The following JAKMIP2 variants were observed in gnomAD, a reference collection of about 807,000 sequenced individuals.
JAKMIP2 encodes janus kinase and microtubule-interacting protein 2.
In JAKMIP2, 25 loss-of-function variants were observed where a neutral mutation model predicts 115.0. That is an observed-to-expected ratio of 0.22 (90% confidence interval 0.16 to 0.30). The LOEUF (loss-of-function observed/expected upper bound fraction) is 0.30, where lower values mean the gene tolerates loss of function less well. Ranked by LOEUF, JAKMIP2 falls within the 10% of genes least tolerant of loss-of-function variation. The pLI is 1.00. For missense variants in JAKMIP2, 642 were observed against 957.6 expected (o/e 0.67, Z 4.35); for synonymous variants, 334 against 343.6 (o/e 0.97, Z 0.31).
chr5:147,661,067 G>A lies in JAKMIP2; in HGVS notation c.508C>T (p.Leu170=). 1 of 1,613,976 alleles carries A rather than the reference G, an allele frequency of 6.2e-7. No individual in the cohort carries two copies. Among genetic ancestry groups the A allele is most frequent in the Non-Finnish European group, 8.5e-7 (1 of 1,180,016 alleles). ...KTAKKQVDEA[L]SNMIQADKIK... is the part of the protein sequence containing the mutation. ...TTATCTGCTTGGATCATATTGCTCA[G>A]AGCCTCGTCCACCTGCTTCTTGGCC... is the stretch of plus-strand genomic sequence containing the variant. Residue 170 remains leucine (L), a synonymous_variant, in exon 3 of 22, where the codon CTG becomes TTG. Coordinates refer to ENST00000616793, the MANE Select transcript of JAKMIP2 (RefSeq NM_001270941.2).
intron 21 of JAKMIP2, among the ~76,000 whole-genome samples, chr5:147,595,897 G>A (rs1755361160): frequency 6.6e-6 from 1 of 152,158 alleles, no homozygotes; most frequent in African/African-American, 2.4e-5. Context: ...TTAAAAAAAT[G>A]TGTATTTATA....
At chr5:147,725,408 C>T (rs1239905534) in intron 1 of JAKMIP2, among the ~76,000 whole-genome samples, 4 of 152,162 alleles carry the variant, frequency 2.6e-5, no homozygotes, top group Middle Eastern at 3.2e-3. Context: ...TCATTTTACT[C>T]TGTGGACTCA....
intron 19 of JAKMIP2, among the ~76,000 whole-genome samples, chr5:147,613,170 C>A (rs768325876): frequency 6.6e-6 from 1 of 152,188 alleles, no homozygotes; most frequent in Non-Finnish European, 1.5e-5. Flanking sequence ...CATTACATAA[C>A]AACTATTTAC....
chr5:147,740,928 A>G (rs1355517719), intron 1 of JAKMIP2, among the ~76,000 whole-genome samples: 1 of 152,186 alleles, frequency 6.6e-6, no homozygotes, highest in Non-Finnish European at 1.5e-5. Flanking sequence ...TAATATGATC[A>G]TAGATCGCTA....
At chr5:147,729,635 G>A (rs966633013) in intron 1 of JAKMIP2, among the ~76,000 whole-genome samples, 17 of 151,922 alleles carry the variant, frequency 1.1e-4, no homozygotes, top group Non-Finnish European at 1.9e-4. Flanking sequence ...TTAGCCGGGC[G>A]TGGTGGCGGG....
At chr5:147,739,450 G>A (rs998844262) in intron 1 of JAKMIP2, among the ~76,000 whole-genome samples, 1 of 152,114 alleles carries the variant, frequency 6.6e-6, no homozygotes, top group Non-Finnish European at 1.5e-5. Flanking sequence ...TCTAAGTGGA[G>A]CATTCTCCCA....
chr5:147,730,804 T>C (rs1275460361), intron 1 of JAKMIP2, among the ~76,000 whole-genome samples: 1 of 152,132 alleles, frequency 6.6e-6, no homozygotes, highest in Non-Finnish European at 1.5e-5. Flanking sequence ...TTAGTCAGAA[T>C]TTCCCTTACC....
intron 3 of JAKMIP2, among the ~76,000 whole-genome samples, chr5:147,655,961 C>T (rs1168949138): frequency 6.6e-6 from 1 of 152,180 alleles, no homozygotes; most frequent in African/African-American, 2.4e-5. Flanking sequence ...ACCCAGTAGT[C>T]ATTCAGGAGC....
chr5:147,612,071 A>G (rs13175701), intron 20 of JAKMIP2: 2 of 683,992 alleles, frequency 2.9e-6, no homozygotes, highest in Non-Finnish European at 5.5e-6. Context: ...GAAAGAAAAC[A>G]CAGAAAAAAT....
chr5:147,761,316 A>G (rs561152367), intron 1 of JAKMIP2, among the ~76,000 whole-genome samples: 2 of 152,220 alleles, frequency 1.3e-5, no homozygotes, highest in South Asian at 4.1e-4. Context: ...CAAAATTGTT[A>G]TAAGAATTTT....
At chr5:147,760,866 C>T (rs1002797588) in intron 1 of JAKMIP2, among the ~76,000 whole-genome samples, 2 of 151,962 alleles carry the variant, frequency 1.3e-5, no homozygotes, top group Non-Finnish European at 2.9e-5. Flanking sequence ...GAGGAAAGAC[C>T]TTGAGAGGTG....
At position 147,589,501 on chromosome 5, in the gene JAKMIP2, T is replaced by C. The variant is rs1581250578; in HGVS notation, c.*2206A>G. ...GATAGTCTGTTTTGTATCTTCCCAG[T>C]AGGGCATACCACCTGGCTTTCCTCC... On this transcript the variant is annotated 3_prime_UTR_variant, in exon 22 of 22. Transcript: ENST00000616793. 1 of 151,232 alleles carries C rather than the reference T, an allele frequency of 6.6e-6. No homozygotes were observed. Among genetic ancestry groups the C allele is most frequent in the African/African-American group, 2.4e-5 (1 of 41,158 alleles). 9.4% of individuals were successfully genotyped at this position (151,232 alleles called of 1,614,324 possible).
chr5:147,632,043 T>C (rs977583691), intron 13 of JAKMIP2, among the ~76,000 whole-genome samples: 2 of 152,294 alleles, frequency 1.3e-5, no homozygotes, highest in Middle Eastern at 3.4e-3. Flanking sequence ...TATATCAACA[T>C]ACACTGAACC....
intron 1 of JAKMIP2, among the ~76,000 whole-genome samples, chr5:147,705,421 G>A (rs533354759): frequency 3.9e-5 from 6 of 152,166 alleles, no homozygotes; most frequent in African/African-American, 1.4e-4. Context: ...TGTGCAACAT[G>A]GAGAAACCCC....
chr5:147,611,170 G>A (rs1756297082), intron 20 of JAKMIP2, among the ~76,000 whole-genome samples: 1 of 152,184 alleles, frequency 6.6e-6, no homozygotes, highest in South Asian at 2.1e-4. Flanking sequence ...CCTGGCTTCA[G>A]GCCCCTTTCC....
Position 147,641,808 on chromosome 5 carries a change from G to A in JAKMIP2, c.1225-44C>T, listed in dbSNP as rs1406406536. 2.0e-6 allele frequency: 3 copies of A among 1,492,004 alleles called. No homozygotes were observed. The African/African-American group carries it at 4.1e-5, about 21-fold the overall frequency. The allele number at this position is 1,492,004 out of a possible 1,614,324, so 92.4% of individuals were successfully genotyped here. A position where few individuals can be genotyped will look rare whatever the true frequency, so the allele number is the denominator to read the frequency against. ...ATTTTCAGATCCAGAATTGGTAGAT[G>A]TTTCTTTATAGTTTTTTGCAAAGAC... On this transcript the variant is annotated intron_variant, in intron 7 of 21. Coordinates refer to ENST00000616793, the MANE Select transcript of JAKMIP2 (RefSeq NM_001270941.2).
intron 2 of JAKMIP2, 34 bp from the exon 3 acceptor site, chr5:147,661,479 T>A: frequency 6.3e-7 from 1 of 1,585,372 alleles, no homozygotes; most frequent in Non-Finnish European, 8.6e-7. Flanking sequence ...TGAAGAGAAA[T>A]GAGCCTCAAA....
At chr5:147,702,666 GAGAGAA>G (rs1561547762) in intron 1 of JAKMIP2, among the ~76,000 whole-genome samples, 2 of 98,558 alleles carry the variant, frequency 2.0e-5, no homozygotes, top group Non-Finnish European at 1.9e-5. Context: ...GAAAGAAAGA[GAGAGAA>G]AGAAAGAGAA....
chr5:147,657,893 A>G (rs1758758211), intron 3 of JAKMIP2, among the ~76,000 whole-genome samples: 1 of 152,010 alleles, frequency 6.6e-6, no homozygotes, highest in South Asian at 2.1e-4. Flanking sequence ...TATTCTAGTT[A>G]GCGGTTCCTG....
Sources: gnomAD v4.1 joint callset for allele counts (sites outside exome capture counted in the v4.1 genomes callset) on GRCh38, gnomAD v4.1.1 for gene constraint, MANE v1.5 for transcripts, NCBI Gene and HGNC (gene_info 2026-07-23, HGNC 2026-07-21) for gene names.